AKR1D1: variants seen among roughly 807,000 people sequenced by gnomAD.
AKR1D1 encodes the protein delta(4)-3-ketosteroid 5-beta-reductase.
A neutral mutation model predicts 42.6 loss-of-function variants in AKR1D1; 32 were observed. That is an observed-to-expected ratio of 0.75 (90% CI 0.57 to 1.01). AKR1D1 has a LOEUF of 1.01. AKR1D1 is among the 50% of genes least tolerant of loss of function. AKR1D1 has a pLI of 0.00. For synonymous variants in AKR1D1, 123 were observed against 135.5 expected, an observed-to-expected ratio of 0.91 and a Z score of 0.64; for missense variants, 364 against 402.2, an observed-to-expected ratio of 0.91 and a Z score of 0.81.
At chr7:138,111,049 C>G (rs1381227167) in intron 7 of AKR1D1, among the ~76,000 whole-genome samples, 1 of 152,108 alleles carries the variant, frequency 6.6e-6, no homozygotes, top group Non-Finnish European at 1.5e-5. Flanking sequence ...CTTCCTCTCC[C>G]ATAAGAATCT....
intron 2 of AKR1D1, among the ~76,000 whole-genome samples, chr7:138,090,537 T>C (rs190760658): frequency 1.3e-5 from 2 of 150,660 alleles, no homozygotes; most frequent in Admixed American, 1.3e-4. Context: ...CTTGGGAGGC[T>C]GAGGCAGCAG....
intron 7 of AKR1D1, 138 bp downstream of exon 7, chr7:138,107,718 C>T: frequency 1.2e-6 from 1 of 868,770 alleles, no homozygotes; most frequent in Non-Finnish European, 1.8e-6. Flanking sequence ...CCATGTAGCC[C>T]ATATCTAGGT....
intron 4 of AKR1D1, among the ~76,000 whole-genome samples, chr7:138,098,751 G>C (rs1794233497): frequency 6.6e-6 from 1 of 152,082 alleles, no homozygotes; most frequent in South Asian, 2.1e-4. Context: ...GTGGTGGGGA[G>C]GGATATTTTG....
At chr7:138,088,308 A>G (rs1793978999) in intron 1 of AKR1D1, among the ~76,000 whole-genome samples, 1 of 152,150 alleles carries the variant, frequency 6.6e-6, no homozygotes, top group Admixed American at 6.5e-5. Flanking sequence ...CCCTCCTGTA[A>G]AAAGGCTTCC....
At chr7:138,092,062 T>TCTGC (rs1562933163) in intron 3 of AKR1D1, among the ~76,000 whole-genome samples, 178 bp downstream of exon 3, 6 of 152,208 alleles carry the variant, frequency 3.9e-5, no homozygotes, top group African/African-American at 1.4e-4. Context: ...TGCATGAAGC[T>TCTGC]AGCGTATTAC....
intron 4 of AKR1D1, among the ~76,000 whole-genome samples, chr7:138,100,088 CAAAAAA>C (rs59361346): frequency 5.7e-4 from 25 of 43,556 alleles, no homozygotes; most frequent in African/African-American, 9.7e-4. Context: ...GATTTCATCT[CAAAAAA>C]AAAAAAAAAA....
intron 8 of AKR1D1, among the ~76,000 whole-genome samples, chr7:138,114,609 G>C (rs541883352): frequency 1.4e-5 from 2 of 142,266 alleles, no homozygotes; most frequent in South Asian, 4.4e-4. Context: ...GCAGTGAGCC[G>C]AGATCATGCC....
At chr7:138,084,629 A>G (rs1333440299) in intron 1 of AKR1D1, among the ~76,000 whole-genome samples, 1 of 152,100 alleles carries the variant, frequency 6.6e-6, no homozygotes, top group Non-Finnish European at 1.5e-5. Flanking sequence ...GTGGAATCAA[A>G]TTTTTATATT....
chr7:138,093,071 C>CTT (rs200473265), intron 3 of AKR1D1, among the ~76,000 whole-genome samples: 7,015 of 140,878 alleles, frequency 0.05, 663 homozygotes, highest in African/African-American at 0.17. Context: ...ATACTAATTA[C>CTT]TTTTTTTTTT....
At chr7:138,108,291 A>G (rs1487194423) in intron 7 of AKR1D1, among the ~76,000 whole-genome samples, 1 of 152,224 alleles carries the variant, frequency 6.6e-6, no homozygotes, top group Non-Finnish European at 1.5e-5. Flanking sequence ...CTAGGTAAAC[A>G]CAACCATAGA....
chr7:138,090,361 G>A (rs1468452072), intron 2 of AKR1D1, among the ~76,000 whole-genome samples: 1 of 152,126 alleles, frequency 6.6e-6, no homozygotes, highest in Non-Finnish European at 1.5e-5. Flanking sequence ...TTCAGGCCGG[G>A]TGCAGTGGCT....
At chr7:138,086,576 GA>G (rs937883712) in intron 1 of AKR1D1, among the ~76,000 whole-genome samples, 26 of 152,036 alleles carry the variant, frequency 1.7e-4, no homozygotes, top group African/African-American at 6.3e-4. Flanking sequence ...GTAGCAGGGG[GA>G]AAAAATACAA....
At chr7:138,082,354 A>T (rs1401371579) in intron 1 of AKR1D1, among the ~76,000 whole-genome samples, 2 of 151,228 alleles carry the variant, frequency 1.3e-5, no homozygotes, top group Non-Finnish European at 2.9e-5. Context: ...TTTGTTTTTA[A>T]ATTTAATTTT....
chr7:138,100,211 A>T (rs28533201), intron 4 of AKR1D1, among the ~76,000 whole-genome samples: 82,575 of 150,368 alleles, frequency 0.55, 23,088 homozygotes, highest in Middle Eastern at 0.61. Flanking sequence ...TCCAAGACAA[A>T]GCAGAAAAAA....
At chr7:138,078,211 C>T (rs1330513401) in intron 1 of AKR1D1, among the ~76,000 whole-genome samples, 1 of 152,192 alleles carries the variant, frequency 6.6e-6, no homozygotes, top group East Asian at 1.9e-4. Context: ...ATCCGCCCGC[C>T]TCAGCCTCCC....
rs768164623 is a variant in AKR1D1, at chr7:138,076,642, T to A, written c.93+31T>A. The A allele has an allele frequency of 4.5e-6, 7 of 1,555,560 alleles. No homozygotes were observed. The South Asian group carries it at 6.7e-5, about 15-fold the overall frequency. On this transcript the variant is annotated intron_variant, in intron 1 of 8. Transcript: ENST00000242375. ...CTTATTTTTTCTCTCTTTGCTTGCTTGTTTGTTTCTTTTAACATTTGCCTA... is the reference window on the plus strand; with the variant it reads ...CTTATTTTTTCTCTCTTTGCTTGCTAGTTTGTTTCTTTTAACATTTGCCTA...
At chr7:138,089,418 A>C (rs1396354389) in intron 2 of AKR1D1, among the ~76,000 whole-genome samples, 6 of 151,856 alleles carry the variant, frequency 4.0e-5, no homozygotes, top group Non-Finnish European at 8.8e-5. Context: ...GTTTAATAAA[A>C]GCAAACAAAC....
chr7:138,084,227 T>C (rs1284189089), intron 1 of AKR1D1, among the ~76,000 whole-genome samples: 3 of 151,816 alleles, frequency 2.0e-5, no homozygotes. Context: ...AGTACTTTTA[T>C]GGTAATCTTT....
At chr7:138,096,071 G>T (rs893365778) in intron 3 of AKR1D1, among the ~76,000 whole-genome samples, 2 of 151,856 alleles carry the variant, frequency 1.3e-5, no homozygotes, top group African/African-American at 4.8e-5. Flanking sequence ...TAGGTGTGGT[G>T]GTGCACACCT....
Sources: allele counts gnomAD v4.1 joint callset (sites outside exome capture counted in the v4.1 genomes callset), GRCh38; gene constraint gnomAD v4.1.1; transcripts MANE v1.5; gene names NCBI Gene and HGNC (gene_info 2026-07-23, HGNC 2026-07-21).